The following DDX18 variants were observed in gnomAD, a reference collection of about 807,000 sequenced individuals.
DDX18 encodes the protein ATP-dependent RNA helicase DDX18.
A neutral mutation model predicts 73.5 loss-of-function variants in DDX18; 23 were observed. That is an observed-to-expected ratio of 0.31 (90% CI 0.23 to 0.44). The LOEUF (loss-of-function observed/expected upper bound fraction) is 0.44. DDX18 is among the 20% of genes least tolerant of loss of function. The pLI is 1.00. For missense variants in DDX18, 753 were observed against 792.9 expected, an observed-to-expected ratio of 0.95 and a Z score of 0.60; for synonymous variants, 268 against 282.7, an observed-to-expected ratio of 0.95 and a Z score of 0.52.
rs1447262509 is a variant in DDX18, at chr2:117,828,963, A to G, written c.1650A>G (p.Glu550=). The change falls in exon 12 of 14, where the codon GAA becomes GAG. Residue 550 remains glutamate (E), a synonymous_variant. Transcript: ENST00000263239. ...YLKQSKVPLS[E]FDFSWSKISD... is the part of the protein sequence containing the mutation. Reference sequence around the variant, plus strand: ...TTGATTTCTAGGTTCCATTAAGTGAATTTGACTTTTCCTGGTCTAAAATTT... The same window carrying G: ...TTGATTTCTAGGTTCCATTAAGTGAGTTTGACTTTTCCTGGTCTAAAATTT... 2 of 1,611,394 alleles carry G rather than the reference A, an allele frequency of 1.2e-6. No individual in the cohort carries two copies. The highest frequency in any genetic ancestry group is 8.5e-7 in the Non-Finnish European group (1 of 1,177,696).
At chr2:117,826,034 CTTTTTTTTTTTT>C (rs59119058) in intron 10 of DDX18, 14 of 97,286 alleles carry the variant, frequency 1.4e-4, no homozygotes, top group East Asian at 1.1e-3. Context: ...CATGTCCAGC[CTTTTTTTTTTTT>C]TTTTTTTTTT....
Position 117,825,485 on chromosome 2 carries a change from C to G in DDX18, c.1407C>G (p.Phe469Leu). The change falls in exon 10 of 14, where the codon TTC (phenylalanine) becomes TTG (leucine). Residue 469 changes from phenylalanine (F) to leucine (L), a missense_variant. Physicochemically the swap from Phe to Leu is conservative, Grantham distance 22. Around this residue, in one of 3 missense-constraint regions of DDX18, gnomAD observed 402 missense variants for 419.4 expected, o/e 0.96. Transcript: ENST00000263239. Reference sequence around the variant, plus strand: ...AAAATAAGCGTACAACCACATTCTTCCAGTTCTGCAATGCAGATTCGGGAA... The same window carrying G: ...AAAATAAGCGTACAACCACATTCTTGCAGTTCTGCAATGCAGATTCGGGAA... The part of the protein sequence containing the change: ...QKQNKRTTTF[F>L]QFCNADSGTL... 6.2e-7 allele frequency: 1 copy of G among 1,614,082 alleles called. No homozygotes were observed. The highest frequency in any genetic ancestry group is 8.5e-7 in the Non-Finnish European group (1 of 1,179,944).
At chr2:117,827,585 G>A (rs757525816) in intron 11 of DDX18, 2 of 149,680 alleles carry the variant, frequency 1.3e-5, no homozygotes, top group South Asian at 4.2e-4. Context: ...AGAACATGCG[G>A]TGTTTGGTTT....
chr2:117,827,613 TTG>T (rs1342317125), intron 11 of DDX18: 1 of 151,862 alleles, frequency 6.6e-6, no homozygotes, highest in Admixed American at 6.6e-5. Context: ...TTGCAATAGT[TTG>T]CTCAGAATGA....
At chr2:117,818,672 TTTTG>T (rs569132250) in intron 2 of DDX18, among the ~76,000 whole-genome samples, 35 of 152,064 alleles carry the variant, frequency 2.3e-4, no homozygotes, top group East Asian at 1.7e-3. Flanking sequence ...CTTATGGGTT[TTTTG>T]TTTGTTTGTT....
At chr2:117,826,537 C>A in intron 11 of DDX18, 155 bp downstream of exon 11, 1 of 696,466 alleles carries the variant, frequency 1.4e-6, no homozygotes, top group Non-Finnish European at 2.4e-6. Flanking sequence ...ACTTCTAGCC[C>A]AAGAAGTGAG....
chr2:117,825,045 G>A lies in DDX18; in HGVS notation c.1312G>A (p.Val438Met). Residue 438 changes from valine to methionine, a missense_variant, in exon 9 of 14, where the codon GTG becomes ATG. By Grantham distance (21) the Val-to-Met change is conservative (BLOSUM62 1). Around this residue, in one of 3 missense-constraint regions of DDX18, gnomAD observed 402 missense variants for 419.4 expected, o/e 0.96. Coordinates refer to ENST00000263239, the MANE Select transcript of DDX18 (RefSeq NM_006773.4). ...GGTCTTCTTTTCATCTTGTATGTCT[G>A]TGAAATACCACTATGAGTTGCTGAA... ...LMVFFSSCMS[V>M]KYHYELLNYI... 6.2e-7 allele frequency: 1 copy of A among 1,613,998 alleles called. No homozygotes were observed. Among genetic ancestry groups the A allele is most frequent in the Non-Finnish European group, 8.5e-7 (1 of 1,179,960 alleles).
In DDX18 at chr2:117,814,843, G is replaced by A; in HGVS notation, c.66G>A (p.Gln22=). ...KIEKRNLKLR[Q]RNLKFQGASN... ...AGAAGCGGAACCTCAAATTGCGGCA[G>A]CGGAACCTAAAGTTTCAGGGTGAGA... The change falls in exon 1 of 14, where the codon CAG becomes CAA. Residue 22 remains glutamine (Q), a synonymous_variant. Coordinates refer to ENST00000263239, the MANE Select transcript of DDX18 (RefSeq NM_006773.4). 2 of 1,614,226 alleles carry A rather than the reference G, an allele frequency of 1.2e-6. No individual in the cohort carries two copies. Among genetic ancestry groups the A allele is most frequent in the South Asian group, 2.2e-5 (2 of 91,086 alleles).
chr2:117,827,584 G>C (rs916201614), intron 11 of DDX18: 2 of 148,738 alleles, frequency 1.3e-5, no homozygotes, highest in Middle Eastern at 7.0e-3. Context: ...GAGAACATGC[G>C]GTGTTTGGTT....
At chr2:117,824,474 A>G (rs1679892343) in intron 7 of DDX18, 95 bp from the exon 8 acceptor site, 1 of 1,153,386 alleles carries the variant, frequency 8.7e-7, no homozygotes, top group African/African-American at 1.6e-5. Context: ...CATATCTCCC[A>G]TTTCTGATAT....
chr2:117,817,635 T>C lies in DDX18; in HGVS notation c.277T>C (p.Leu93=). 6.2e-7 allele frequency: 1 copy of C among 1,613,922 alleles called. No individual in the cohort carries two copies. The highest frequency in any genetic ancestry group is 8.5e-7 in the Non-Finnish European group (1 of 1,179,926). ...VTKSPQKSTV[L]TNGEAAMQSS... is the part of the protein sequence containing the mutation. Reference sequence around the variant, plus strand: ...AAAGTCTCCCCAGAAATCCACTGTATTAACCAATGGAGAAGCAGCAATGCA... The same window carrying C: ...AAAGTCTCCCCAGAAATCCACTGTACTAACCAATGGAGAAGCAGCAATGCA... The change falls in exon 2 of 14, where the codon TTA becomes CTA. Residue 93 remains leucine (L), a synonymous_variant. Transcript: ENST00000263239.
At chr2:117,825,386 G>C (rs955130097) in intron 9 of DDX18, 61 bp from the exon 10 acceptor site, 2 of 1,567,204 alleles carry the variant, frequency 1.3e-6, no homozygotes, top group African/African-American at 2.7e-5. Context: ...ACAATTTGGG[G>C]GTTCTACTGC....
Position 117,819,762 on chromosome 2 carries a change from G to C in DDX18, c.484G>C (p.Glu162Gln). ...GCCAGATAATGATGAAGATGAGAGTGAGGTGCCCAGTCTGCCCCTGGGACT... is the reference window on the plus strand; with the variant it reads ...GCCAGATAATGATGAAGATGAGAGTCAGGTGCCCAGTCTGCCCCTGGGACT... ...EKPDNDEDES[E>Q]VPSLPLGLTG... The change falls in exon 3 of 14, where the codon GAG becomes CAG. Residue 162 changes from glutamate to glutamine, a missense_variant. Glu to Gln is a conservative substitution (Grantham distance 29). This residue lies in a region of DDX18 where 345 missense variants were observed against 352.0 expected (regional missense o/e 0.98). Coordinates refer to ENST00000263239, the MANE Select transcript of DDX18 (RefSeq NM_006773.4). 6.2e-7 allele frequency: 1 copy of C among 1,602,622 alleles called. No individual in the cohort carries two copies. The highest frequency in any genetic ancestry group is 8.5e-7 in the Non-Finnish European group (1 of 1,176,344).
At chr2:117,822,728 C>G in intron 7 of DDX18, 1 of 157,916 alleles carries the variant, frequency 6.3e-6, no homozygotes, top group South Asian at 1.8e-4. Flanking sequence ...TTGTTTACCA[C>G]TGTGACATCA....
Position 117,822,191 on chromosome 2 carries a change from T to C in DDX18, c.996T>C (p.Ile332=). 1.2e-6 allele frequency: 2 copies of C among 1,613,998 alleles called. No individual in the cohort carries two copies. The highest frequency in any genetic ancestry group is 1.7e-6 in the Non-Finnish European group (2 of 1,179,868). The change falls in exon 7 of 14, where the codon ATT becomes ATC. Residue 332 remains isoleucine, a synonymous_variant. Coordinates refer to ENST00000263239, the MANE Select transcript of DDX18 (RefSeq NM_006773.4). The stretch of plus-strand genomic sequence containing the variant: ...ATAAAAACCTGCAGTGTCTGGTTAT[T>C]GATGAAGCTGATCGTATCTTGGATG... ...FMYKNLQCLV[I]DEADRILDVG...
At chr2:117,828,678 G>A (rs1234538018) in intron 11 of DDX18, 4 of 325,476 alleles carry the variant, frequency 1.2e-5, no homozygotes, top group African/African-American at 8.6e-5. Context: ...GTTGCAAATA[G>A]TCAGGATTAT....
Position 117,817,385 on chromosome 2 carries a change from G to A in DDX18, c.86-59G>A. The A allele has an allele frequency of 2.7e-6, 4 of 1,462,062 alleles. No homozygotes were observed. The South Asian group carries it at 5.8e-5, about 21-fold the overall frequency. The allele number at this position is 1,462,062 out of a possible 1,614,324, so 90.6% of individuals were successfully genotyped here. On this transcript the variant is annotated intron_variant, in intron 1 of 13. Coordinates refer to ENST00000263239, the MANE Select transcript of DDX18 (RefSeq NM_006773.4). Reference sequence around the variant, plus strand: ...ATGGAAGTTCTCATTTGGGATTTCAGTGTTTCTAAGTAAACTTCTCCTTCT... The same window carrying A: ...ATGGAAGTTCTCATTTGGGATTTCAATGTTTCTAAGTAAACTTCTCCTTCT...
At chr2:117,825,793 A>G (rs1188897812) in intron 10 of DDX18, 194 bp downstream of exon 10, 3 of 574,600 alleles carry the variant, frequency 5.2e-6, no homozygotes, top group Non-Finnish European at 8.8e-6. Flanking sequence ...AGAGGATTGA[A>G]AAGGATCAGT....
In DDX18 at chr2:117,822,076, G is replaced by A. The variant is rs533750019; in HGVS notation, c.951+15G>A. ...ACCATATGCAGGTAAGAGATGTAGT[G>A]CTTGTCTCATTGTCTTGTATGAAAC... On this transcript the variant is annotated intron_variant, in intron 6 of 13. Coordinates refer to ENST00000263239, the MANE Select transcript of DDX18 (RefSeq NM_006773.4). The A allele has an allele frequency of 6.8e-6, 11 of 1,613,948 alleles. No homozygotes were observed. In the South Asian group the frequency reaches 1.1e-4, roughly 16 times the overall value.
Sources: allele counts gnomAD v4.1 joint callset (sites outside exome capture counted in the v4.1 genomes callset), GRCh38; gene constraint gnomAD v4.1.1; regional missense constraint gnomAD v4.1.1; transcripts MANE v1.5; gene names NCBI Gene and HGNC (gene_info 2026-07-23, HGNC 2026-07-21).